Variants in DARS2 observed in about 807,000 individuals in gnomAD.
DARS2 encodes the protein aspartyl-tRNA synthetase 2, mitochondrial, also known as aspartate--tRNA ligase, mitochondrial.
DARS2 carries 63 observed loss-of-function variants against 83.0 expected under a neutral mutation model. The observed-to-expected ratio is 0.76, with a 90% confidence interval of 0.62 to 0.94. The LOEUF (loss-of-function observed/expected upper bound fraction) is 0.94, where lower values mean the gene tolerates loss of function less well. Among genes scored for constraint, DARS2 ranks in the 40% least tolerant of loss-of-function variants. The pLI is 0.00. For synonymous variants in DARS2, 250 were observed against 269.3 expected (o/e 0.93, Z 0.70); for missense variants, 675 against 774.4 (o/e 0.87, Z 1.52).
chr1:173,841,810 C>T (rs1397893594), intron 11 of DARS2, among the ~76,000 whole-genome samples: 1 of 152,118 alleles, frequency 6.6e-6, no homozygotes, highest in Non-Finnish European at 1.5e-5. Context: ...AAAATAAATA[C>T]ATAAATAAAT....
chr1:173,835,953 A>G (rs1487876787), intron 7 of DARS2, among the ~76,000 whole-genome samples: 1 of 151,942 alleles, frequency 6.6e-6, no homozygotes, highest in African/African-American at 2.4e-5. Context: ...GCTACTCAGG[A>G]GGCTGAGACA....
In DARS2 at chr1:173,853,476, A is replaced by T. The variant is rs954585055; in HGVS notation, c.1472A>T (p.Glu491Val). The T allele has an allele frequency of 3.1e-6, 5 of 1,613,976 alleles. No individual in the cohort carries two copies. In the Admixed American group the frequency reaches 6.7e-5, roughly 22 times the overall value. The change falls in exon 14 of 17, where the codon GAG becomes GTG. Residue 491 changes from glutamate to valine, a missense_variant. By Grantham distance (121) the Glu-to-Val change is moderately radical (BLOSUM62 -2). Coordinates refer to ENST00000649689, the MANE Select transcript of DARS2 (RefSeq NM_018122.5). ...VVDFPLFLPK[E>V]ENPRELESAH... ...GATTTCCCACTCTTCCTGCCCAAGG[A>T]GGAAAATCCCAGAGAGCTGGAATCG...
rs1482675621 is a variant in DARS2, at chr1:173,840,743, A to T, written c.1021-123A>T. 9 of 682,194 alleles carry T rather than the reference A, an allele frequency of 1.3e-5. No homozygotes were observed. In the East Asian group the frequency reaches 2.5e-4, roughly 19 times the overall value. 42.3% of individuals were successfully genotyped at this position (682,194 alleles called of 1,614,324 possible). ...CTTAACCCATGGTAAACACTCTTTG[A>T]ATGTATTCTATAAATGTTAAATTAT... On this transcript the variant is annotated intron_variant, in intron 10 of 16. Coordinates refer to ENST00000649689, the MANE Select transcript of DARS2 (RefSeq NM_018122.5).
At chr1:173,851,494 G>A (rs907924641) in intron 13 of DARS2, among the ~76,000 whole-genome samples, 1 of 152,092 alleles carries the variant, frequency 6.6e-6, no homozygotes, top group African/African-American at 2.4e-5. Flanking sequence ...TGGCGAGCTG[G>A]AGGGCTGGCA....
rs542527825 is a variant in DARS2 at position 173,825,705 on chromosome 1, G to A, written c.127+349G>A. Among the ~76,000 whole-genome samples the A allele has an allele frequency of 8.9e-3, 1,344 of 150,804 alleles. 16 individuals are homozygous for A. The highest frequency in any genetic ancestry group is 0.031 in the African/African-American group (1,295 of 41,214). On this transcript the variant is annotated intron_variant, in intron 1 of 16. Transcript: ENST00000649689. Reference sequence around the variant, plus strand: ...AGGATGGTCTCGATCTCCTGACCTCGTGATCCACCCGCCTCCGCCTCCCAT... The same window carrying A: ...AGGATGGTCTCGATCTCCTGACCTCATGATCCACCCGCCTCCGCCTCCCAT...
Position 173,845,292 on chromosome 1 carries a change from G to C in DARS2, c.1191+1G>C, listed in dbSNP as rs754063468. 6.2e-7 allele frequency: 1 copy of C among 1,606,560 alleles called. No homozygotes were observed. Among genetic ancestry groups the C allele is most frequent in the Non-Finnish European group, 8.5e-7 (1 of 1,173,522 alleles). On this transcript the variant is annotated splice_donor_variant, in intron 12 of 16. Coordinates refer to ENST00000649689, the MANE Select transcript of DARS2 (RefSeq NM_018122.5). LOFTEE classifies it high-confidence loss of function. ...CTTTGCAGCTGACCATTTTAATCAG[G>C]TAAGGAGTTAATTAGAGCAGTTTTT...
At chr1:173,853,656 C>T in intron 14 of DARS2, 89 bp downstream of exon 14, 1 of 1,536,376 alleles carries the variant, frequency 6.5e-7, no homozygotes, top group Non-Finnish European at 9.0e-7. Context: ...AGATAGGACC[C>T]AGTTCTGGAA....
intron 8 of DARS2, 120 bp downstream of exon 8, chr1:173,837,166 A>T (rs977645634): frequency 5.5e-6 from 5 of 915,082 alleles, no homozygotes; most frequent in Admixed American, 2.1e-5. Flanking sequence ...GAGAGTTTGG[A>T]GAATACTTAT....
chr1:173,852,135 A>G (rs1474104263), intron 13 of DARS2: 2 of 985,314 alleles, frequency 2.0e-6, no homozygotes, highest in Non-Finnish European at 1.2e-6. Flanking sequence ...AAATGTCACA[A>G]TGAAGGTCCG....
rs777837584 is a variant in DARS2 at position 173,839,465 on chromosome 1, T to G, written c.939T>G (p.Val313=). The change falls in exon 10 of 17, where the codon GTT becomes GTG. Residue 313 remains valine (V), a synonymous_variant. Transcript: ENST00000649689. ...GGCCCAATGACAAAGATCCTGTGGT[T>G]GTTCCTTTTCCTACTATGACTTTTG... ...YSWPNDKDPV[V]VPFPTMTFAE... is the part of the protein sequence containing the mutation. 23 of 1,614,056 alleles carry G rather than the reference T, an allele frequency of 1.4e-5. No individual in the cohort carries two copies. The highest frequency in any genetic ancestry group is 2.2e-5 in the East Asian group (1 of 44,894).
intron 11 of DARS2, 29 bp from the exon 12 acceptor site, chr1:173,845,200 C>T (rs749714165): frequency 2.2e-6 from 3 of 1,383,156 alleles, no homozygotes; most frequent in Non-Finnish European, 3.1e-6. Flanking sequence ...GTCATACTGA[C>T]AAGTTTACTT....
chr1:173,845,677 G>A (rs1047518107), intron 12 of DARS2, among the ~76,000 whole-genome samples: 1 of 152,020 alleles, frequency 6.6e-6, no homozygotes, highest in Non-Finnish European at 1.5e-5. Context: ...ACAGTGAGCT[G>A]AGATCGCACC....
chr1:173,828,309 C>T (rs1015982728), intron 2 of DARS2, 24 bp from the exon 3 acceptor site: 2 of 1,501,024 alleles, frequency 1.3e-6, no homozygotes, highest in Admixed American at 1.8e-5. Flanking sequence ...TAAAATGTTT[C>T]TTTTCCCCCC....
chr1:173,834,597 C>T, intron 7 of DARS2, 78 bp downstream of exon 7: 1 of 1,117,752 alleles, frequency 8.9e-7, no homozygotes, highest in Non-Finnish European at 1.4e-6. Flanking sequence ...TTTATATTCA[C>T]TTGGTCCACT....
intron 13 of DARS2, 41 bp downstream of exon 13, chr1:173,850,520 G>A (rs1384430543): frequency 6.3e-7 from 1 of 1,593,500 alleles, no homozygotes; most frequent in Middle Eastern, 1.7e-4. Flanking sequence ...TGTTGATGCT[G>A]AACAATGCCT....
At chr1:173,846,078 AACG>A (rs1653424026) in intron 12 of DARS2, among the ~76,000 whole-genome samples, 1 of 151,900 alleles carries the variant, frequency 6.6e-6, no homozygotes, top group East Asian at 1.9e-4. Context: ...GAATGGCGTG[AACG>A]CAGGAGGCGG....
intron 1 of DARS2, 109 bp downstream of exon 1, chr1:173,825,465 A>ATTG: frequency 1.5e-6 from 1 of 661,210 alleles, no homozygotes; most frequent in Non-Finnish European, 2.1e-6. Context: ...TATTATTATT[A>ATTG]TTATTATTAT....
chr1:173,851,017 C>T (rs1313342109), intron 13 of DARS2, among the ~76,000 whole-genome samples: 3 of 151,804 alleles, frequency 2.0e-5, no homozygotes, highest in Non-Finnish European at 2.9e-5. Context: ...GTGGGTGGAT[C>T]GCCTGAGGTC....
At chr1:173,847,844 C>CATTTT (rs1653493355) in intron 12 of DARS2, among the ~76,000 whole-genome samples, 1 of 78,616 alleles carries the variant, frequency 1.3e-5, no homozygotes, top group African/African-American at 5.8e-5. Context: ...CTTTCTGAAC[C>CATTTT]TTTTTTTTTT....
Sources: gnomAD v4.1 joint callset for allele counts (sites outside exome capture counted in the v4.1 genomes callset) on GRCh38, gnomAD v4.1.1 for gene constraint, MANE v1.5 for transcripts, NCBI Gene and HGNC (gene_info 2026-07-23, HGNC 2026-07-21) for gene names.